PRPF38B: variants seen among roughly 807,000 people sequenced by gnomAD.
PRPF38B encodes pre-mRNA-splicing factor 38B.
In PRPF38B, 18 loss-of-function variants were observed where a neutral mutation model predicts 67.2. The observed-to-expected ratio is 0.27, with a 90% CI of 0.19 to 0.40. The LOEUF (loss-of-function observed/expected upper bound fraction) is 0.40. Among genes scored for constraint, PRPF38B ranks in the 10% least tolerant of loss-of-function variants. The probability of loss-of-function intolerance (pLI) is 1.00; values close to 1 mark genes in which losing one functional copy is unlikely to be tolerated. For missense variants in PRPF38B, 544 were observed against 684.9 expected (o/e 0.79, Z 2.30); for synonymous variants, 246 against 234.2 (o/e 1.05, Z -0.46).
chr1:108,692,956 G>A, intron 1 of PRPF38B, 89 bp downstream of exon 1: 1 of 1,489,676 alleles, frequency 6.7e-7, no homozygotes, highest in South Asian at 1.3e-5. Context: ...GAAATCTGAA[G>A]ATTTGTGGGT....
Position 108,699,726 on chromosome 1 carries a change from A to G in PRPF38B, c.1347A>G (p.Arg449=). The part of the protein sequence containing the change: ...SRSRNAGKRS[R]SRSKEKSSKH... ...GTAGAAATGCAGGGAAACGAAGTAG[A>G]AGTAGAAGCAAAGAGAAATCAAGTA... Residue 449 remains arginine, a synonymous_variant, in exon 6 of 6, where the codon AGA becomes AGG. Coordinates refer to ENST00000370025, the MANE Select transcript of PRPF38B (RefSeq NM_018061.4). 1.9e-6 allele frequency: 3 copies of G among 1,613,556 alleles called. No individual in the cohort carries two copies. Among genetic ancestry groups the G allele is most frequent in the Non-Finnish European group, 2.5e-6 (3 of 1,179,724 alleles).
rs773200657 is a variant in PRPF38B at position 108,699,833 on chromosome 1, C to CA, written c.1461dup (p.Arg488ThrfsTer4). The CA allele has an allele frequency of 1.9e-6, 3 of 1,609,954 alleles. No individual in the cohort carries two copies. Among genetic ancestry groups the CA allele is most frequent in the Non-Finnish European group, 2.5e-6 (3 of 1,178,946 alleles). Reference sequence around the variant, plus strand: ...GGAAGAACTGACAGTGTTGAAAAATCAAAAAAACGGGAACATAGTCCCAGC... The same window carrying CA: ...GGAAGAACTGACAGTGTTGAAAAATCAAAAAAAACGGGAACATAGTCCCAGC... On this transcript the variant is annotated frameshift_variant, in exon 6 of 6. Coordinates refer to ENST00000370025, the MANE Select transcript of PRPF38B (RefSeq NM_018061.4). LOFTEE classifies it high-confidence loss of function.
chr1:108,699,095 T>C (rs1012780379), intron 5 of PRPF38B, 67 bp from the exon 6 acceptor site: 23 of 1,526,038 alleles, frequency 1.5e-5, no homozygotes, highest in Non-Finnish European at 2.0e-5. Flanking sequence ...TGTTGAAAGT[T>C]TTACTGTGAA....
chr1:108,698,864 A>T, intron 5 of PRPF38B, 37 bp downstream of exon 5: 3 of 1,533,466 alleles, frequency 2.0e-6, no homozygotes, highest in Non-Finnish European at 2.7e-6. Context: ...TTTTTCATAT[A>T]TGCTTTATAC....
intron 4 of PRPF38B, chr1:108,696,828 TA>T: frequency 1.4e-6 from 1 of 700,734 alleles, no homozygotes; most frequent in South Asian, 1.5e-5. Flanking sequence ...ATAAATAGGC[TA>T]AGTGTTTGGA....
intron 1 of PRPF38B, chr1:108,693,562 CTT>C: frequency 1.0e-6 from 1 of 978,580 alleles, no homozygotes; most frequent in Non-Finnish European, 1.2e-6. Flanking sequence ...TCACTGCACT[CTT>C]GTCTCAGTTC....
Position 108,692,496 on chromosome 1 carries a change from C to G in PRPF38B, c.-96C>G, listed in dbSNP as rs1377488672. Reference sequence around the variant, plus strand: ...GGCGGCCCCTTCTCCCGACGACGTTCGATGGAGTAGGGTCCCAGACCGTTG... The same window carrying G: ...GGCGGCCCCTTCTCCCGACGACGTTGGATGGAGTAGGGTCCCAGACCGTTG... On this transcript the variant is annotated 5_prime_UTR_variant, in exon 1 of 6. Transcript: ENST00000370025. The G allele has an allele frequency of 3.7e-6, 5 of 1,360,502 alleles. No individual in the cohort carries two copies. In the African/African-American group the frequency reaches 7.3e-5, roughly 20 times the overall value. The allele number at this position is 1,360,502 out of a possible 1,614,324, so 84.3% of individuals were successfully genotyped here.
rs778755730 is a variant in PRPF38B at position 108,692,555 on chromosome 1, C to T, written c.-37C>T. 1.9e-5 allele frequency: 28 copies of T among 1,489,182 alleles called. No homozygotes were observed. In the East Asian group the frequency reaches 2.2e-4, roughly 12 times the overall value. The allele number at this position is 1,489,182 out of a possible 1,614,324, so 92.2% of individuals were successfully genotyped here. A position where few individuals can be genotyped will look rare whatever the true frequency, so the allele number is the denominator to read the frequency against. ...AGCGAGATCGAGCTTGGCCCCCTCC[C>T]CCCCCTCCTTCCCTCCCTCCTTCCT... is the stretch of plus-strand genomic sequence containing the variant. On this transcript the variant is annotated 5_prime_UTR_variant, in exon 1 of 6. Transcript: ENST00000370025.
chr1:108,696,379 C>T, intron 4 of PRPF38B, 42 bp downstream of exon 4: 1 of 1,511,372 alleles, frequency 6.6e-7, no homozygotes, highest in South Asian at 1.2e-5. Flanking sequence ...TCTGATTACT[C>T]TCATATTTTT....
chr1:108,699,730 A>C lies in PRPF38B; in HGVS notation c.1351A>C (p.Arg451=), dbSNP rs780711174. ...AAATGCAGGGAAACGAAGTAGAAGT[A>C]GAAGCAAAGAGAAATCAAGTAAACA... The part of the protein sequence containing the change: ...SRNAGKRSRS[R]SKEKSSKHKN... The change falls in exon 6 of 6, where the codon AGA becomes CGA. Residue 451 remains arginine (R), a synonymous_variant. Transcript: ENST00000370025. The C allele has an allele frequency of 5.0e-6, 8 of 1,613,514 alleles. No individual in the cohort carries two copies. The highest frequency in any genetic ancestry group is 6.8e-6 in the Non-Finnish European group (8 of 1,179,772).
intron 1 of PRPF38B, 43 bp from the exon 2 acceptor site, chr1:108,695,659 T>C (rs1375732426): frequency 6.3e-7 from 1 of 1,594,146 alleles, no homozygotes; most frequent in Non-Finnish European, 8.6e-7. Context: ...TTAAACAAAT[T>C]CAAAGTATGA....
Position 108,692,686 on chromosome 1 carries a change from G to A in PRPF38B, c.95G>A (p.Gly32Asp), listed in dbSNP as rs759436850. The change falls in exon 1 of 6, where the codon GGC becomes GAC. Residue 32 changes from glycine to aspartate, a missense_variant. Transcript: ENST00000370025. ...AAQQQQQCGG[G>D]GATKPAVSGK... Reference sequence around the variant, plus strand: ...CAGCAACAGCAGCAGTGCGGCGGCGGCGGCGCTACCAAGCCGGCGGTCTCC... The same window carrying A: ...CAGCAACAGCAGCAGTGCGGCGGCGACGGCGCTACCAAGCCGGCGGTCTCC... 6.2e-7 allele frequency: 1 copy of A among 1,612,958 alleles called. No homozygotes were observed. The highest frequency in any genetic ancestry group is 1.7e-5 in the Admixed American group (1 of 60,028).
Position 108,700,000 on chromosome 1 carries a change from A to G in PRPF38B, c.1621A>G (p.Asn541Asp), listed in dbSNP as rs200836277. ...EQESQEKQHK[N>D]KDETV ...AGAGAGCCAAGAAAAACAGCATAAA[A>G]ACAAAGATGAGACTGTGTGAAAATA... is the stretch of plus-strand genomic sequence containing the variant. The change falls in exon 6 of 6, where the codon AAC becomes GAC. Residue 541 changes from asparagine (N) to aspartate (D), a missense_variant. By Grantham distance (23) the Asn-to-Asp change is conservative. This residue lies in a region of PRPF38B where 387 missense variants were observed against 386.1 expected (regional missense o/e 1.00). Coordinates refer to ENST00000370025, the MANE Select transcript of PRPF38B (RefSeq NM_018061.4). 214 of 1,590,488 alleles carry G rather than the reference A, an allele frequency of 1.3e-4. 1 individual carries two copies. The highest frequency in any genetic ancestry group is 6.7e-4 in the Middle Eastern group (4 of 5,954).
In PRPF38B at chr1:108,696,210, T is replaced by G. The variant is rs1659844454; in HGVS notation, c.497+16T>G. The G allele has an allele frequency of 6.2e-7, 1 of 1,612,184 alleles. No individual in the cohort carries two copies. The highest frequency in any genetic ancestry group is 1.3e-5 in the African/African-American group (1 of 74,842). ...TGTATATAAGGTGAGCGTACATTTA[T>G]GTACATTTCCAGTAAATATCTCATT... On this transcript the variant is annotated intron_variant, in intron 3 of 5. Transcript: ENST00000370025.
At position 108,700,473 on chromosome 1, in the gene PRPF38B, T is replaced by G. The variant is rs1660370322; in HGVS notation, c.*453T>G. On this transcript the variant is annotated 3_prime_UTR_variant, in exon 6 of 6. Transcript: ENST00000370025. ...TTTGAGAATGGATCTTGGATGTCTA[T>G]TATAGGAGAAGTATGTGCTGCCAAT... 1 of 155,966 alleles carries G rather than the reference T, an allele frequency of 6.4e-6. No individual in the cohort carries two copies. The allele number at this position is 155,966 out of a possible 1,614,324, so 9.7% of individuals were successfully genotyped here. A position where few individuals can be genotyped will look rare whatever the true frequency, so the allele number is the denominator to read the frequency against.
intron 4 of PRPF38B, 46 bp from the exon 5 acceptor site, chr1:108,698,558 G>A (rs779021018): frequency 2.2e-6 from 3 of 1,349,140 alleles, no homozygotes; most frequent in African/African-American, 2.9e-5. Flanking sequence ...ATGTATATAT[G>A]GAAATACTTT....
Position 108,700,276 on chromosome 1 carries a change from C to A in PRPF38B, c.*256C>A. 2 of 487,090 alleles carry A rather than the reference C, an allele frequency of 4.1e-6. No individual in the cohort carries two copies. The highest frequency in any genetic ancestry group is 6.5e-6 in the Non-Finnish European group (2 of 308,492). The allele number at this position is 487,090 out of a possible 1,614,324, so 30.2% of individuals were successfully genotyped here. A position where few individuals can be genotyped will look rare whatever the true frequency, so the allele number is the denominator to read the frequency against. ...ATTGTTTGTTTTTGAAATGTACAGT[C>A]TGTACATATGTCCTGAAAATGTTTT... On this transcript the variant is annotated 3_prime_UTR_variant, in exon 6 of 6. Coordinates refer to ENST00000370025, the MANE Select transcript of PRPF38B (RefSeq NM_018061.4).
Position 108,700,680 on chromosome 1 carries a change from C to T in PRPF38B, c.*660C>T, listed in dbSNP as rs967379999. On this transcript the variant is annotated 3_prime_UTR_variant, in exon 6 of 6. Coordinates refer to ENST00000370025, the MANE Select transcript of PRPF38B (RefSeq NM_018061.4). ...TTTCATCAAAAGTCCTTTTAGCATT[C>T]TACCTCAAAGGGACACTTAGTATGC... 7 of 152,618 alleles carry T rather than the reference C, an allele frequency of 4.6e-5. No individual in the cohort carries two copies. The highest frequency in any genetic ancestry group is 1.7e-4 in the African/African-American group (7 of 41,450). The allele number at this position is 152,618 out of a possible 1,614,324, so 9.5% of individuals were successfully genotyped here.
rs1375663722 is a variant in PRPF38B at position 108,699,194 on chromosome 1, C to T, written c.815C>T (p.Ser272Phe). ...SPRRSLSPRR[S>F]PRRSRSRSHH... ...AGGAGATCTCTGAGTCCACGGAGGTCCCCAAGAAGGTCAAGAAGTAGAAGT... is the reference window on the plus strand; with the variant it reads ...AGGAGATCTCTGAGTCCACGGAGGTTCCCAAGAAGGTCAAGAAGTAGAAGT... The change falls in exon 6 of 6, where the codon TCC becomes TTC. Residue 272 changes from serine to phenylalanine, a missense_variant. Ser to Phe is a radical substitution (Grantham distance 155, BLOSUM62 -2). Transcript: ENST00000370025. The T allele has an allele frequency of 6.2e-7, 1 of 1,613,426 alleles. No individual in the cohort carries two copies. The highest frequency in any genetic ancestry group is 1.7e-5 in the Admixed American group (1 of 59,868).
Sources: allele counts gnomAD v4.1 joint callset, GRCh38; gene constraint gnomAD v4.1.1; regional missense constraint gnomAD v4.1.1; transcripts MANE v1.5; gene names NCBI Gene and HGNC (gene_info 2026-07-23, HGNC 2026-07-21).